VRK1: variants seen among roughly 807,000 people sequenced by gnomAD.
VRK1 encodes the protein serine/threonine-protein kinase VRK1.
A neutral mutation model predicts 57.1 loss-of-function variants in VRK1; 33 were observed. That is an observed-to-expected ratio of 0.58 (90% CI 0.44 to 0.77). The LOEUF (loss-of-function observed/expected upper bound fraction) is 0.77, where lower values mean the gene tolerates loss of function less well. Ranked by LOEUF, VRK1 falls within the 30% of genes least tolerant of loss-of-function variation. The probability of loss-of-function intolerance (pLI) is 0.00; values close to 1 mark genes in which losing one functional copy is unlikely to be tolerated. For synonymous variants in VRK1, 137 were observed against 147.8 expected (o/e 0.93, Z 0.53); for missense variants, 413 against 477.3 (o/e 0.87, Z 1.25).
Position 96,847,271 on chromosome 14 carries a change from C to T in VRK1, c.301C>T (p.Arg101Cys), listed in dbSNP as rs765861383. 7.4e-6 allele frequency: 12 copies of T among 1,613,332 alleles called. No homozygotes were observed. Among genetic ancestry groups the T allele is most frequent in the Middle Eastern group, 1.6e-4 (1 of 6,080 alleles). The change falls in exon 5 of 13, where the codon CGT (arginine) becomes TGT (cysteine). Residue 101 changes from arginine to cysteine, a missense_variant. Physicochemically the swap from Arg to Cys is radical, Grantham distance 180 (BLOSUM62 -3). Transcript: ENST00000216639. ...TTAATTTGTAGTTCAGAAATGGATT[C>T]GTACCCGTAAGCTGAAGTACCTGGG... ...AKPEQIQKWI[R>C]TRKLKYLGVP...
At chr14:96,866,440 G>A (rs1031332671) in intron 11 of VRK1, among the ~76,000 whole-genome samples, 1 of 152,104 alleles carries the variant, frequency 6.6e-6, no homozygotes, top group East Asian at 1.9e-4. Context: ...CTATATTGGC[G>A]ATCTCTTCTC....
At chr14:96,804,618 C>A (rs1885797677) in intron 1 of VRK1, among the ~76,000 whole-genome samples, 1 of 152,184 alleles carries the variant, frequency 6.6e-6, no homozygotes, top group South Asian at 2.1e-4. Flanking sequence ...TAATCAGTTT[C>A]ATTGGCTATT....
chr14:96,814,897 A>C (rs1886334576), intron 1 of VRK1, among the ~76,000 whole-genome samples: 1 of 152,218 alleles, frequency 6.6e-6, no homozygotes, highest in South Asian at 2.1e-4. Context: ...ATGTTGGTGC[A>C]AAAGTAATTG....
chr14:96,828,817 T>C lies in VRK1; in HGVS notation c.-5-4650T>C, dbSNP rs139479494. Among the ~76,000 whole-genome samples, 327 of 152,336 alleles carry C rather than the reference T, an allele frequency of 2.1e-3. 1 individual carries two copies. Among genetic ancestry groups the C allele is most frequent in the South Asian group, 0.011 (53 of 4,832 alleles). On this transcript the variant is annotated intron_variant, in intron 1 of 12. Coordinates refer to ENST00000216639, the MANE Select transcript of VRK1 (RefSeq NM_003384.3). The stretch of plus-strand genomic sequence containing the variant: ...ACAAGTATTTATTAGTACACTGCCA[T>C]TGGCCCTGCTTATACCTGGCTGAAG...
intron 3 of VRK1, among the ~76,000 whole-genome samples, chr14:96,838,943 A>G (rs1221121898): frequency 6.6e-6 from 1 of 152,142 alleles, no homozygotes; most frequent in Non-Finnish European, 1.5e-5. Context: ...CAGTTTGAAG[A>G]CTTTTGACAA....
chr14:96,860,755 T>C lies in VRK1; in HGVS notation c.1068+20T>C. On this transcript the variant is annotated intron_variant, in intron 11 of 12. Coordinates refer to ENST00000216639, the MANE Select transcript of VRK1 (RefSeq NM_003384.3). ...ACAAAGGTGAATTTTGTTATTAAAT[T>C]ATTCTTTGGTCTTCTTGTGTTTATA... 2 of 1,609,902 alleles carry C rather than the reference T, an allele frequency of 1.2e-6. No individual in the cohort carries two copies. The highest frequency in any genetic ancestry group is 1.1e-5 in the South Asian group (1 of 90,738).
At chr14:96,829,807 A>G (rs552190146) in intron 1 of VRK1, among the ~76,000 whole-genome samples, 240 of 152,214 alleles carry the variant, frequency 1.6e-3, no homozygotes, top group African/African-American at 5.4e-3. Context: ...TCTCTCTTTT[A>G]TAACCCTTGT....
intron 1 of VRK1, among the ~76,000 whole-genome samples, chr14:96,831,157 A>C (rs533532280): frequency 6.6e-6 from 1 of 152,338 alleles, no homozygotes; most frequent in Admixed American, 6.5e-5. Context: ...CAGAGGCACC[A>C]TACTTTCTTC....
intron 1 of VRK1, among the ~76,000 whole-genome samples, chr14:96,803,744 T>C (rs1159446472): frequency 6.6e-6 from 1 of 152,164 alleles, no homozygotes; most frequent in Non-Finnish European, 1.5e-5. Context: ...GGTGATATTT[T>C]TTGTGCGTAC....
At chr14:96,825,342 A>G (rs1024695686) in intron 1 of VRK1, among the ~76,000 whole-genome samples, 9 of 152,234 alleles carry the variant, frequency 5.9e-5, no homozygotes, top group Non-Finnish European at 7.3e-5. Flanking sequence ...AGAGTTTGAC[A>G]TAGTCATTGT....
chr14:96,816,880 A>G (rs1886414613), intron 1 of VRK1, among the ~76,000 whole-genome samples: 2 of 152,208 alleles, frequency 1.3e-5, no homozygotes, highest in African/African-American at 4.8e-5. Flanking sequence ...GTGAGAAGAC[A>G]TTCTTTGAGA....
intron 1 of VRK1, among the ~76,000 whole-genome samples, chr14:96,808,595 C>T (rs113853576): frequency 2.0e-5 from 3 of 151,502 alleles, no homozygotes; most frequent in Admixed American, 6.6e-5. Context: ...ACGATTCTGA[C>T]TTACATAACT....
intron 11 of VRK1, among the ~76,000 whole-genome samples, chr14:96,863,293 T>C (rs1888459988): frequency 6.6e-6 from 1 of 152,192 alleles, no homozygotes; most frequent in Admixed American, 6.5e-5. Context: ...AGTGCAACAG[T>C]TATTGGATTC....
intron 1 of VRK1, among the ~76,000 whole-genome samples, chr14:96,803,698 T>G (rs960491798): frequency 3.3e-5 from 5 of 152,370 alleles, no homozygotes; most frequent in African/African-American, 9.6e-5. Context: ...GTTTGAGAGA[T>G]ACAGTTTCTC....
At chr14:96,852,767 C>T (rs1888000333) in intron 5 of VRK1, 64 bp from the exon 6 acceptor site, 2 of 1,149,038 alleles carry the variant, frequency 1.7e-6, no homozygotes, top group East Asian at 2.4e-5. Flanking sequence ...TTTGAGAGTA[C>T]TCATTACAAA....
At chr14:96,834,573 C>T (rs918698286) in intron 2 of VRK1, among the ~76,000 whole-genome samples, 3 of 152,350 alleles carry the variant, frequency 2.0e-5, no homozygotes, top group South Asian at 2.1e-4. Context: ...AGGAGTCCCA[C>T]TTCACCTGCT....
At chr14:96,857,090 T>C (rs1348314663) in intron 10 of VRK1, among the ~76,000 whole-genome samples, 1 of 152,198 alleles carries the variant, frequency 6.6e-6, no homozygotes, top group Non-Finnish European at 1.5e-5. Flanking sequence ...ATATTGAGGC[T>C]TTATTGTGTG....
intron 1 of VRK1, among the ~76,000 whole-genome samples, chr14:96,819,366 A>G (rs1341571913): frequency 1.3e-5 from 2 of 152,210 alleles, no homozygotes; most frequent in African/African-American, 2.4e-5. Context: ...TAAAGTGAAA[A>G]TGAATGACTT....
intron 11 of VRK1, among the ~76,000 whole-genome samples, chr14:96,861,612 G>C (rs535200895): frequency 1.3e-5 from 2 of 152,014 alleles, no homozygotes; most frequent in African/African-American, 4.8e-5. Flanking sequence ...AAAATCAGAC[G>C]CAGCACATTG....
Sources: allele counts gnomAD v4.1 joint callset (sites outside exome capture counted in the v4.1 genomes callset), GRCh38; gene constraint gnomAD v4.1.1; transcripts MANE v1.5; gene names NCBI Gene and HGNC (gene_info 2026-07-23, HGNC 2026-07-21).